Variants in IGF1R observed in about 807,000 individuals in gnomAD.
IGF1R encodes insulin like growth factor 1 receptor.
Under a neutral mutation model 144.6 loss-of-function variants are expected in IGF1R, and 44 were observed. The observed-to-expected ratio is 0.30, with a 90% CI of 0.24 to 0.39. The LOEUF (loss-of-function observed/expected upper bound fraction) is 0.39, where lower values mean the gene tolerates loss of function less well. Ranked by LOEUF, IGF1R falls within the 10% of genes least tolerant of loss-of-function variation. IGF1R has a pLI of 1.00. For missense variants in IGF1R, 1,355 were observed against 1,833.7 expected (o/e 0.74, Z 4.77); for synonymous variants, 795 against 722.8 (o/e 1.10, Z -1.60).
intron 1 of IGF1R, among the ~76,000 whole-genome samples, chr15:98,684,302 T>C (rs772771369): frequency 6.6e-6 from 1 of 152,122 alleles, no homozygotes; most frequent in Non-Finnish European, 1.5e-5. Context: ...GAAAAATGTT[T>C]TATTGTCATC....
Position 98,962,577 on chromosome 15 carries a change from T to G in IGF1R, c.*5135T>G, listed in dbSNP as rs1414470687. ...TTTCATTTTTGGCCTTCATCTTAGA[T>G]GACTGGTTGCGTCATTTGGAGAAGT... On this transcript the variant is annotated 3_prime_UTR_variant, in exon 21 of 21. Transcript: ENST00000650285. 4 of 233,840 alleles carry G rather than the reference T, an allele frequency of 1.7e-5. No individual in the cohort carries two copies. In the East Asian group the frequency reaches 2.4e-4, roughly 14 times the overall value. 14.5% of individuals were successfully genotyped at this position (233,840 alleles called of 1,614,324 possible).
chr15:98,848,952 T>C (rs1044307477), intron 2 of IGF1R, among the ~76,000 whole-genome samples: 2 of 152,216 alleles, frequency 1.3e-5, no homozygotes. Context: ...ACATACCACA[T>C]TTATTAGACA....
chr15:98,859,265 G>A (rs1021197450), intron 2 of IGF1R, among the ~76,000 whole-genome samples: 3 of 152,134 alleles, frequency 2.0e-5, no homozygotes, highest in Non-Finnish European at 2.9e-5. Context: ...TGCAACAGCC[G>A]ATGAGGTAGA....
chr15:98,675,169 A>G (rs901877296), intron 1 of IGF1R, among the ~76,000 whole-genome samples: 1 of 151,944 alleles, frequency 6.6e-6, no homozygotes, highest in Admixed American at 6.6e-5. Context: ...TTGTATTTTT[A>G]GTAGAAACGG....
At chr15:98,677,372 T>C (rs1394419651) in intron 1 of IGF1R, among the ~76,000 whole-genome samples, 1 of 152,226 alleles carries the variant, frequency 6.6e-6, no homozygotes, top group Non-Finnish European at 1.5e-5. Context: ...CTTCCTAATT[T>C]TTTTGTGCCG....
At chr15:98,799,368 A>T (rs1481027924) in intron 2 of IGF1R, among the ~76,000 whole-genome samples, 1 of 732 alleles carries the variant, frequency 1.4e-3, no homozygotes, top group African/African-American at 2.2e-3. Context: ...CAGTAAGTTT[A>T]AAAAAAAAAA....
intron 2 of IGF1R, among the ~76,000 whole-genome samples, chr15:98,762,573 C>T (rs542412536): frequency 3.7e-4 from 56 of 152,112 alleles, no homozygotes; most frequent in African/African-American, 1.3e-3. Context: ...ACTGAAAATA[C>T]AAAAGTTAGC....
intron 2 of IGF1R, among the ~76,000 whole-genome samples, chr15:98,884,293 G>T (rs747638649): frequency 1.8e-4 from 27 of 152,100 alleles, no homozygotes; most frequent in Admixed American, 3.3e-4. Flanking sequence ...CTCAGATCAC[G>T]CCTGATTGCA....
chr15:98,857,078 G>A (rs1253662304), intron 2 of IGF1R, among the ~76,000 whole-genome samples: 1 of 152,080 alleles, frequency 6.6e-6, no homozygotes, highest in Non-Finnish European at 1.5e-5. Context: ...ATAATGCTTA[G>A]GAGAGAATGT....
Position 98,812,816 on chromosome 15 carries a change from ATTGTCCTTGGGC to A in IGF1R, c.641-78503_641-78492del, listed in dbSNP as rs950183459. Among the ~76,000 whole-genome samples the A allele has an allele frequency of 7.4e-4, 113 of 152,212 alleles. 1 individual carries two copies. Among genetic ancestry groups the A allele is most frequent in the African/African-American group, 2.6e-3 (106 of 41,518 alleles). On this transcript the variant is annotated intron_variant, in intron 2 of 20. Transcript: ENST00000650285. ...TACTGTCAGGGTCCCTGCTTGGGGC[ATTGTCCTTGGGC>A]TTGTCATTAGATAACTCCAAGTTGG...
chr15:98,730,354 C>T (rs1290399470), intron 2 of IGF1R, among the ~76,000 whole-genome samples: 2 of 152,126 alleles, frequency 1.3e-5, no homozygotes, highest in African/African-American at 2.4e-5. Context: ...ACAGCACTCA[C>T]GCTTTCTATT....
chr15:98,863,080 C>T (rs760340585), intron 2 of IGF1R, among the ~76,000 whole-genome samples: 9 of 152,154 alleles, frequency 5.9e-5, no homozygotes, highest in Non-Finnish European at 8.8e-5. Flanking sequence ...AATTCTGGGA[C>T]GTTTTCCTGG....
At chr15:98,665,087 A>C (rs1185468221) in intron 1 of IGF1R, among the ~76,000 whole-genome samples, 12 of 151,580 alleles carry the variant, frequency 7.9e-5, no homozygotes, top group African/African-American at 2.9e-4. Flanking sequence ...CCTCCCCAGC[A>C]GCTGGGACTA....
Position 98,916,805 on chromosome 15 carries a change from G to C in IGF1R, c.2130G>C (p.Gln710His), listed in dbSNP as rs758408519. 13 of 1,613,994 alleles carry C rather than the reference G, an allele frequency of 8.1e-6. No homozygotes were observed. The highest frequency in any genetic ancestry group is 1.1e-5 in the Non-Finnish European group (13 of 1,180,026). The change falls in exon 10 of 21, where the codon CAG (glutamine) becomes CAC (histidine). Residue 710 changes from glutamine to histidine, a missense_variant. Gln to His is a conservative substitution (Grantham distance 24, BLOSUM62 0). Coordinates refer to ENST00000650285, the MANE Select transcript of IGF1R (RefSeq NM_000875.5). ...GCCCCAAAACTGAAGCCGAGAAGCA[G>C]GCCGAGAAGGAGGAGGCTGAATACC... ...CACPKTEAEK[Q>H]AEKEEAEYRK...
chr15:98,906,347 T>C (rs1474816026), intron 5 of IGF1R, among the ~76,000 whole-genome samples: 1 of 151,844 alleles, frequency 6.6e-6, no homozygotes, highest in East Asian at 1.9e-4. Context: ...AGCCCAGAGG[T>C]TTCTTCATCA....
intron 14 of IGF1R, 85 bp from the exon 15 acceptor site, chr15:98,930,150 T>A (rs1383226829): frequency 1.1e-6 from 1 of 925,406 alleles, no homozygotes; most frequent in Non-Finnish European, 1.8e-6. Context: ...AGAGGATAAA[T>A]GAAACTGTTG....
chr15:98,793,452 CT>C (rs2056170757), intron 2 of IGF1R, among the ~76,000 whole-genome samples: 1 of 152,166 alleles, frequency 6.6e-6, no homozygotes, highest in Admixed American at 6.5e-5. Context: ...GGGCTTAGTT[CT>C]GCCCTTTAAG....
intron 2 of IGF1R, among the ~76,000 whole-genome samples, chr15:98,744,589 A>G (rs1164787265): frequency 6.6e-6 from 1 of 152,054 alleles, no homozygotes; most frequent in African/African-American, 2.4e-5. Context: ...CTAAAAGTCC[A>G]TGGAAGGGAC....
intron 2 of IGF1R, among the ~76,000 whole-genome samples, chr15:98,716,924 A>G (rs993716007): frequency 6.6e-6 from 1 of 152,060 alleles, no homozygotes; most frequent in Non-Finnish European, 1.5e-5. Flanking sequence ...TCCTTACAAT[A>G]TTGTGGAGTC....
Sources: gnomAD v4.1 joint callset for allele counts (sites outside exome capture counted in the v4.1 genomes callset) on GRCh38, gnomAD v4.1.1 for gene constraint, MANE v1.5 for transcripts, NCBI Gene and HGNC (gene_info 2026-07-23, HGNC 2026-07-21) for gene names.